FBXW7: variants seen among roughly 807,000 people sequenced by gnomAD.
The protein encoded by FBXW7 is F-box/WD repeat-containing protein 7.
FBXW7 carries 11 observed loss-of-function variants against 86.3 expected under a neutral mutation model. The observed-to-expected ratio is 0.13, with a 90% confidence interval of 0.08 to 0.21. The LOEUF is 0.21. Ranked by LOEUF, FBXW7 falls within the 10% of genes least tolerant of loss-of-function variation. The pLI, the probability that FBXW7 is intolerant of heterozygous loss-of-function variation, is 1.00. For synonymous variants in FBXW7, 313 were observed against 297.9 expected (o/e 1.05, Z -0.52); for missense variants, 488 against 847.4 (o/e 0.58, Z 5.27).
Position 152,324,263 on chromosome 4 carries a change from A to G in FBXW7, c.1776T>C (p.Asn592=). 1 of 1,612,818 alleles carries G rather than the reference A, an allele frequency of 6.2e-7. No individual in the cohort carries two copies. Among genetic ancestry groups the G allele is most frequent in the Non-Finnish European group, 8.5e-7 (1 of 1,179,156 alleles). ...SLTSGMELKD[N]ILVSGNADST... is the part of the protein sequence containing the mutation. ...AATCTGCATTCCCAGAGACAAGAAT[A>G]TTGTCTTTGAGTTCCATTCCACTTG... The change falls in exon 13 of 14, where the codon AAT becomes AAC. Residue 592 remains asparagine (N), a synonymous_variant. Transcript: ENST00000281708.
chr4:152,480,849 C>G (rs1744818198), intron 2 of FBXW7, among the ~76,000 whole-genome samples: 1 of 152,146 alleles, frequency 6.6e-6, no homozygotes, highest in Non-Finnish European at 1.5e-5. Flanking sequence ...AAGTTTGAAG[C>G]TAGCAGAGGT....
intron 2 of FBXW7, among the ~76,000 whole-genome samples, chr4:152,491,273 G>A (rs993470974): frequency 1.1e-4 from 16 of 151,804 alleles, no homozygotes; most frequent in African/African-American, 3.4e-4. Context: ...CTTCAATTTG[G>A]GTATCCTTCA....
At chr4:152,519,841 T>C (rs931733022) in intron 2 of FBXW7, among the ~76,000 whole-genome samples, 1 of 152,108 alleles carries the variant, frequency 6.6e-6, no homozygotes, top group Non-Finnish European at 1.5e-5. Flanking sequence ...GACCATGGAG[T>C]ATGACAGATC....
At position 152,321,712 on chromosome 4, in the gene FBXW7, A is replaced by G. The variant is rs1728572584; in HGVS notation, c.*1169T>C. 1 of 233,072 alleles carries G rather than the reference A, an allele frequency of 4.3e-6. No homozygotes were observed. The highest frequency in any genetic ancestry group is 2.2e-5 in the African/African-American group (1 of 45,440). 14.4% of individuals were successfully genotyped at this position (233,072 alleles called of 1,614,324 possible). A position where few individuals can be genotyped will look rare whatever the true frequency, so the allele number is the denominator to read the frequency against. On this transcript the variant is annotated 3_prime_UTR_variant, in exon 14 of 14. Coordinates refer to ENST00000281708, the MANE Select transcript of FBXW7 (RefSeq NM_001349798.2). ...ACTTTATTTTAATTTTGTGTTTTAT[A>G]TATTTTTAAAATATTTTGTCAGTTT...
intron 2 of FBXW7, among the ~76,000 whole-genome samples, chr4:152,420,435 C>T (rs2126913457): frequency 6.6e-6 from 1 of 152,288 alleles, no homozygotes; most frequent in Admixed American, 6.5e-5. Context: ...TTTTGACCCC[C>T]TCCCATAAAT....
At chr4:152,330,302 ATGT>A (rs1729432297) in intron 9 of FBXW7, among the ~76,000 whole-genome samples, 1 of 151,922 alleles carries the variant, frequency 6.6e-6, no homozygotes, top group Admixed American at 6.6e-5. Context: ...TGTATTTGAA[ATGT>A]TATTAGACAG....
chr4:152,489,335 A>C (rs961620447), intron 2 of FBXW7: 2 of 154,320 alleles, frequency 1.3e-5, no homozygotes, highest in African/African-American at 4.8e-5. Context: ...GTCACTCCTG[A>C]ACTACCTGAA....
intron 5 of FBXW7, among the ~76,000 whole-genome samples, chr4:152,347,791 C>A (rs17028828): frequency 6.6e-6 from 1 of 151,752 alleles, no homozygotes; most frequent in Admixed American, 6.6e-5. Flanking sequence ...TCAATTCTGC[C>A]ACTAGTAAAA....
At chr4:152,507,171 A>C (rs763949911) in intron 2 of FBXW7, among the ~76,000 whole-genome samples, 22 of 152,330 alleles carry the variant, frequency 1.4e-4, no homozygotes, top group Admixed American at 2.6e-4. Flanking sequence ...TGAAAAGCCT[A>C]ATCAAAAAGG....
chr4:152,328,966 T>C (rs1223108634), intron 10 of FBXW7: 1 of 152,044 alleles, frequency 6.6e-6, no homozygotes, highest in Non-Finnish European at 1.5e-5. Context: ...TATAAGATAC[T>C]TGCCAAGAAG....
intron 2 of FBXW7, among the ~76,000 whole-genome samples, chr4:152,510,085 G>T (rs1183589425): frequency 6.6e-6 from 1 of 152,128 alleles, no homozygotes; most frequent in Non-Finnish European, 1.5e-5. Flanking sequence ...TGACTGGGTA[G>T]CACACAGACA....
At chr4:152,502,156 G>A (rs1046416884) in intron 2 of FBXW7, among the ~76,000 whole-genome samples, 2 of 152,130 alleles carry the variant, frequency 1.3e-5, no homozygotes, top group African/African-American at 2.4e-5. Flanking sequence ...AGCCACATGT[G>A]ACTACTAAGC....
intron 2 of FBXW7, among the ~76,000 whole-genome samples, chr4:152,509,282 C>T (rs1579388828): frequency 6.6e-6 from 1 of 152,082 alleles, no homozygotes; most frequent in East Asian, 1.9e-4. Flanking sequence ...TTTTCTGTCA[C>T]TGCATAAGAT....
chr4:152,477,773 G>A (rs955490406), intron 2 of FBXW7, among the ~76,000 whole-genome samples: 11 of 151,928 alleles, frequency 7.2e-5, no homozygotes, highest in African/African-American at 2.4e-4. Context: ...TTCCAGTTTG[G>A]TTTATTTCTA....
In FBXW7 at chr4:152,352,535, A is replaced by T. The variant is rs770371628; in HGVS notation, c.502-2411T>A. The T allele has an allele frequency of 5.6e-5, 90 of 1,613,810 alleles. No individual in the cohort carries two copies. Among genetic ancestry groups the T allele is most frequent in the Non-Finnish European group, 7.4e-5 (87 of 1,179,948 alleles). ...TTTTCTGTATTTTTCCCCTTCAGTG[A>T]TTCTGTGCCCCCGTGTGTCCGGCTG... On this transcript the variant is annotated intron_variant, in intron 4 of 13. Coordinates refer to ENST00000281708, the MANE Select transcript of FBXW7 (RefSeq NM_001349798.2).
chr4:152,375,446 A>G (rs182665974), intron 4 of FBXW7, among the ~76,000 whole-genome samples: 10 of 152,252 alleles, frequency 6.6e-5, no homozygotes, highest in South Asian at 2.1e-4. Flanking sequence ...TTTTAAAACG[A>G]TGAAAAGAAT....
intron 4 of FBXW7, among the ~76,000 whole-genome samples, chr4:152,365,836 G>T (rs929556602): frequency 2.6e-5 from 4 of 152,258 alleles, no homozygotes; most frequent in Admixed American, 1.3e-4. Flanking sequence ...CCAACACCTT[G>T]TTACAGTGTG....
intron 4 of FBXW7, among the ~76,000 whole-genome samples, chr4:152,400,264 C>A (rs1359128343): frequency 1.3e-5 from 2 of 152,184 alleles, no homozygotes; most frequent in Non-Finnish European, 2.9e-5. Flanking sequence ...AAAGGCCTTA[C>A]AACCTTCACA....
intron 2 of FBXW7, among the ~76,000 whole-genome samples, chr4:152,520,744 T>C (rs986871369): frequency 1.5e-4 from 23 of 152,214 alleles, no homozygotes; most frequent in African/African-American, 4.8e-4. Flanking sequence ...AAAAGCACTA[T>C]TCAGGAAGTA....
Sources: gnomAD v4.1 joint callset for allele counts (sites outside exome capture counted in the v4.1 genomes callset) on GRCh38, gnomAD v4.1.1 for gene constraint, MANE v1.5 for transcripts, NCBI Gene and HGNC (gene_info 2026-07-23, HGNC 2026-07-21) for gene names.